The following PHKB variants were observed in gnomAD, a reference collection of about 807,000 sequenced individuals.
PHKB encodes the protein phosphorylase kinase regulatory subunit beta.
A neutral mutation model predicts 152.1 loss-of-function variants in PHKB; 122 were observed. The observed-to-expected ratio is 0.80, with a 90% CI of 0.69 to 0.93. PHKB has a LOEUF of 0.93. PHKB is among the 40% of genes least tolerant of loss of function. PHKB has a pLI of 0.00. For missense variants in PHKB, 1,304 were observed against 1,328.4 expected, an observed-to-expected ratio of 0.98 and a Z score of 0.29; for synonymous variants, 436 against 464.9, an observed-to-expected ratio of 0.94 and a Z score of 0.80.
In PHKB at chr16:47,593,485, T is replaced by C. The variant is rs555804122; in HGVS notation, c.1069-15T>C. The C allele has an allele frequency of 5.3e-5, 67 of 1,273,372 alleles. 1 individual carries two copies. In the South Asian group the frequency reaches 8.0e-4, roughly 15 times the overall value. The allele number at this position is 1,273,372 out of a possible 1,614,324, so 78.9% of individuals were successfully genotyped here. A position where few individuals can be genotyped will look rare whatever the true frequency, so the allele number is the denominator to read the frequency against. The stretch of plus-strand genomic sequence containing the variant: ...ATTGTTAGTGTAAAATTTAATGTTT[T>C]ATTTTCTGTTTTAGCTATTTGATGG... On this transcript the variant is annotated splice_polypyrimidine_tract_variant and intron_variant, in intron 10 of 30. Transcript: ENST00000323584.
chr16:47,484,672 C>G (rs1169012736), intron 1 of PHKB, among the ~76,000 whole-genome samples: 1 of 152,128 alleles, frequency 6.6e-6, no homozygotes, highest in Non-Finnish European at 1.5e-5. Flanking sequence ...CATTTAATAA[C>G]TTCTCTGTGC....
chr16:47,690,092 AG>A (rs1233403889), intron 27 of PHKB, among the ~76,000 whole-genome samples: 11 of 152,266 alleles, frequency 7.2e-5, no homozygotes, highest in Admixed American at 6.5e-4. Context: ...ACAGACAAAT[AG>A]AAGAGTTGAA....
At chr16:47,634,601 A>G (rs1283929684) in intron 14 of PHKB, among the ~76,000 whole-genome samples, 2 of 152,162 alleles carry the variant, frequency 1.3e-5, no homozygotes, top group Non-Finnish European at 2.9e-5. Context: ...CATGGTGGAG[A>G]GAGGAGGCCT....
At chr16:47,685,629 A>G (rs1198305252) in intron 26 of PHKB, among the ~76,000 whole-genome samples, 1 of 152,062 alleles carries the variant, frequency 6.6e-6, no homozygotes, top group South Asian at 2.1e-4. Flanking sequence ...TGCTATTAAT[A>G]GTTTTATAGT....
rs553904859 is a variant in PHKB, at chr16:47,508,739, C to T, written c.406-2926C>T. The stretch of plus-strand genomic sequence containing the variant: ...TAATTATTATCTTTATTTTTATTTG[C>T]CAGATGCCAGAATCATACAAAATAC... On this transcript the variant is annotated intron_variant, in intron 4 of 30. Coordinates refer to ENST00000323584, the MANE Select transcript of PHKB (RefSeq NM_000293.3). 1.4e-4 allele frequency among the ~76,000 whole-genome samples: 22 copies of T among 152,182 alleles called. No individual in the cohort carries two copies. In the South Asian group the frequency reaches 4.3e-3, roughly 30 times the overall value.
At chr16:47,679,202 G>A (rs1385734317) in intron 26 of PHKB, among the ~76,000 whole-genome samples, 1 of 152,162 alleles carries the variant, frequency 6.6e-6, no homozygotes, top group Non-Finnish European at 1.5e-5. Flanking sequence ...AGCAGGTAGT[G>A]TGATGCCTCC....
At chr16:47,510,142 G>A (rs975020064) in intron 4 of PHKB, among the ~76,000 whole-genome samples, 3 of 152,164 alleles carry the variant, frequency 2.0e-5, no homozygotes, top group Non-Finnish European at 4.4e-5. Flanking sequence ...CGTGGTATCT[G>A]GGGTGCATTA....
At chr16:47,490,970 C>T (rs1012061769) in intron 1 of PHKB, among the ~76,000 whole-genome samples, 9 of 152,306 alleles carry the variant, frequency 5.9e-5, no homozygotes, top group African/African-American at 2.2e-4. Flanking sequence ...TTCTTTAACC[C>T]TAGCCAATAC....
At chr16:47,516,777 A>G (rs1161310969) in intron 6 of PHKB, among the ~76,000 whole-genome samples, 1 of 152,228 alleles carries the variant, frequency 6.6e-6, no homozygotes, top group African/African-American at 2.4e-5. Context: ...AAGATAAATA[A>G]TGAAGAAGAA....
intron 3 of PHKB, 88 bp from the exon 4 acceptor site, chr16:47,502,903 C>T: frequency 6.2e-6 from 5 of 812,444 alleles, no homozygotes; most frequent in Non-Finnish European, 1.1e-5. Context: ...CAGGATTAGC[C>T]AGATAGTTAA....
intron 6 of PHKB, among the ~76,000 whole-genome samples, chr16:47,521,573 T>G (rs761922484): frequency 1.8e-4 from 28 of 151,968 alleles, no homozygotes; most frequent in Non-Finnish European, 3.5e-4. Context: ...GAGAATTGCT[T>G]GAACCCGGGA....
At chr16:47,699,181 C>A in intron 30 of PHKB, 48 bp from the exon 31 acceptor site, 1 of 1,601,884 alleles carries the variant, frequency 6.2e-7, no homozygotes, top group Non-Finnish European at 8.6e-7. Context: ...CCTGTCAACT[C>A]TTTACAAACA....
chr16:47,566,184 C>A, intron 7 of PHKB: 1 of 700,614 alleles, frequency 1.4e-6, no homozygotes. Context: ...TGGGCCATCC[C>A]AATACTCATC....
In PHKB at chr16:47,511,160, G is replaced by A. The variant is rs1970503816; in HGVS notation, c.406-505G>A. Among the ~76,000 whole-genome samples the A allele has an allele frequency of 2.0e-5, 3 of 152,228 alleles. 1 individual carries two copies. In the South Asian group the frequency reaches 6.2e-4, roughly 32 times the overall value. On this transcript the variant is annotated intron_variant, in intron 4 of 30. Transcript: ENST00000323584. ...AATGAGAGTACAATATATATGGAAG[G>A]GGAAATGAAAGCATGTTAACAGTAG...
At chr16:47,667,041 TATTC>T (rs2151739908) in intron 25 of PHKB, among the ~76,000 whole-genome samples, 1 of 152,314 alleles carries the variant, frequency 6.6e-6, no homozygotes, top group South Asian at 2.1e-4. Context: ...AGATTAAAAT[TATTC>T]ATCCTTACAT....
intron 7 of PHKB, among the ~76,000 whole-genome samples, chr16:47,571,165 C>A (rs1971651410): frequency 6.6e-6 from 1 of 152,022 alleles, no homozygotes; most frequent in Non-Finnish European, 1.5e-5. Flanking sequence ...GCCAGAGTGG[C>A]AGAGATCTCA....
chr16:47,579,129 C>T (rs994712087), intron 7 of PHKB, among the ~76,000 whole-genome samples: 1 of 152,020 alleles, frequency 6.6e-6, no homozygotes, highest in Non-Finnish European at 1.5e-5. Context: ...TATGTAATGT[C>T]CAAGCTTCTT....
chr16:47,611,736 C>T (rs1319560405), intron 14 of PHKB, among the ~76,000 whole-genome samples: 3 of 152,082 alleles, frequency 2.0e-5, no homozygotes, highest in East Asian at 3.9e-4. Context: ...GCCAACAGCC[C>T]CGTTAGATTC....
intron 1 of PHKB, among the ~76,000 whole-genome samples, chr16:47,466,327 C>G (rs1225304621): frequency 6.6e-6 from 1 of 152,162 alleles, no homozygotes; most frequent in Non-Finnish European, 1.5e-5. Flanking sequence ...ATGTAGCATT[C>G]AATACCTTAG....
Sources: gnomAD v4.1 joint callset for allele counts (sites outside exome capture counted in the v4.1 genomes callset) on GRCh38, gnomAD v4.1.1 for gene constraint, MANE v1.5 for transcripts, NCBI Gene and HGNC (gene_info 2026-07-23, HGNC 2026-07-21) for gene names.